Variants in DGKI observed in about 807,000 individuals in gnomAD.
DGKI encodes the protein diacylglycerol kinase iota, also known as DAG kinase iota.
Under a neutral mutation model 147.5 loss-of-function variants are expected in DGKI, and 55 were observed. The observed-to-expected ratio is 0.37, with a 90% CI of 0.30 to 0.47. The LOEUF (loss-of-function observed/expected upper bound fraction) is 0.47. Among genes scored for constraint, DGKI ranks in the 20% least tolerant of loss-of-function variants. DGKI has a pLI of 1.00. For synonymous variants in DGKI, 469 were observed against 477.1 expected, an observed-to-expected ratio of 0.98 and a Z score of 0.22; for missense variants, 1,007 against 1,323.8, an observed-to-expected ratio of 0.76 and a Z score of 3.71.
chr7:137,524,004 C>G lies in DGKI; in HGVS notation c.2148-2038G>C, dbSNP rs940528143. Among the ~76,000 whole-genome samples, 8 of 151,384 alleles carry G rather than the reference C, an allele frequency of 5.3e-5. 1 individual carries two copies. Among genetic ancestry groups the G allele is most frequent in the African/African-American group, 2.0e-4 (8 of 40,730 alleles). On this transcript the variant is annotated intron_variant, in intron 20 of 32. Transcript: ENST00000614521. ...GACTCTCTTGTCAATGGATAAATAC[C>G]AAGAATCCCATGGATTTGACGGCAA...
At chr7:137,621,056 T>G (rs1820731819) in intron 7 of DGKI, among the ~76,000 whole-genome samples, 1 of 152,298 alleles carries the variant, frequency 6.6e-6, no homozygotes, top group Non-Finnish European at 1.5e-5. Flanking sequence ...CCACCCTAAT[T>G]ACATTACATA....
At chr7:137,772,382 C>G (rs1163730965) in intron 1 of DGKI, among the ~76,000 whole-genome samples, 1 of 152,122 alleles carries the variant, frequency 6.6e-6, no homozygotes, top group Non-Finnish European at 1.5e-5. Context: ...TCGTGATTCA[C>G]CCTGGAGCCC....
chr7:137,654,718 T>C lies in DGKI; in HGVS notation c.738+14A>G. 1 of 1,569,116 alleles carries C rather than the reference T, an allele frequency of 6.4e-7. No homozygotes were observed. Among genetic ancestry groups the C allele is most frequent in the Non-Finnish European group, 8.8e-7 (1 of 1,140,422 alleles). ...TCAAAGGTGATACTTGAAATCAAGC[T>C]CTGAAATACTCACTTCTCTTGGTGA... On this transcript the variant is annotated intron_variant, in intron 5 of 32. Coordinates refer to ENST00000614521, the MANE Select transcript of DGKI (RefSeq NM_001321708.2).
intron 15 of DGKI, among the ~76,000 whole-genome samples, chr7:137,580,235 A>G (rs142395768): frequency 6.6e-6 from 1 of 152,238 alleles, no homozygotes; most frequent in Admixed American, 6.5e-5. Context: ...TTTTATTAAG[A>G]AGCCCAGGAT....
intron 27 of DGKI, chr7:137,453,291 G>C (rs1042961397): frequency 6.6e-6 from 1 of 152,188 alleles, no homozygotes; most frequent in Non-Finnish European, 1.5e-5. Context: ...TGGAGAACTA[G>C]TTTGCCAGGC....
intron 23 of DGKI, among the ~76,000 whole-genome samples, chr7:137,478,827 C>T (rs1235303293): frequency 3.3e-5 from 5 of 152,196 alleles, no homozygotes; most frequent in African/African-American, 7.2e-5. Context: ...TACACAAGAA[C>T]ACAAATGGTC....
intron 3 of DGKI, among the ~76,000 whole-genome samples, chr7:137,674,662 C>T (rs1001473268): frequency 2.0e-5 from 3 of 152,224 alleles, no homozygotes; most frequent in East Asian, 1.9e-4. Flanking sequence ...TGCTCATGCA[C>T]GGCTCATGAT....
At chr7:137,443,446 T>C (rs1415343246) in intron 28 of DGKI, among the ~76,000 whole-genome samples, 1 of 152,186 alleles carries the variant, frequency 6.6e-6, no homozygotes, top group African/African-American at 2.4e-5. Flanking sequence ...CATAACTACA[T>C]AGCATAACTG....
rs764159836 is a variant in DGKI at position 137,830,202 on chromosome 7, G to T, written c.401+16260C>A. On this transcript the variant is annotated intron_variant, in intron 1 of 32. Coordinates refer to ENST00000614521, the MANE Select transcript of DGKI (RefSeq NM_001321708.2). Reference sequence around the variant, plus strand: ...TGGCAGTCTGGATATTCAACTTTTGGAATGAGTTTCACAGCAATTGGTCCA... The same window carrying T: ...TGGCAGTCTGGATATTCAACTTTTGTAATGAGTTTCACAGCAATTGGTCCA... Among the ~76,000 whole-genome samples the T allele has an allele frequency of 2.6e-5, 4 of 152,180 alleles. No individual in the cohort carries two copies. The East Asian group carries it at 5.8e-4, about 22-fold the overall frequency.
At chr7:137,747,897 G>T (rs1795387578) in intron 1 of DGKI, among the ~76,000 whole-genome samples, 1 of 152,198 alleles carries the variant, frequency 6.6e-6, no homozygotes, top group Admixed American at 6.5e-5. Flanking sequence ...AAATTGATCA[G>T]ATTCCAGGAC....
intron 21 of DGKI, among the ~76,000 whole-genome samples, chr7:137,512,442 G>C (rs982781016): frequency 1.3e-5 from 2 of 152,128 alleles, no homozygotes; most frequent in Non-Finnish European, 2.9e-5. Flanking sequence ...TTTATACAAA[G>C]ATCTTAGAAG....
chr7:137,638,615 C>CATATATAT (rs1383387447), intron 6 of DGKI, among the ~76,000 whole-genome samples: 18 of 8,228 alleles, frequency 2.2e-3, no homozygotes, highest in Admixed American at 4.7e-3. Context: ...TATATATACA[C>CATATATAT]ACACACATAT....
At chr7:137,648,078 T>G (rs1199571476) in intron 5 of DGKI, among the ~76,000 whole-genome samples, 1 of 152,088 alleles carries the variant, frequency 6.6e-6, no homozygotes, top group Non-Finnish European at 1.5e-5. Context: ...CACCAACAAA[T>G]GATTTCAATG....
chr7:137,624,256 T>C (rs1007343941), intron 6 of DGKI, among the ~76,000 whole-genome samples: 2 of 152,170 alleles, frequency 1.3e-5, no homozygotes, highest in South Asian at 2.1e-4. Flanking sequence ...GAGAGAAGTA[T>C]GTAGTATTGC....
chr7:137,638,546 A>ATG (rs1240115170), intron 6 of DGKI, among the ~76,000 whole-genome samples: 3 of 118,308 alleles, frequency 2.5e-5, no homozygotes, highest in Non-Finnish European at 5.1e-5. Context: ...ATATGTATAT[A>ATG]TATGTGTGTA....
At position 137,713,850 on chromosome 7, in the gene DGKI, G is replaced by C. The variant is rs140338714; in HGVS notation, c.402-23848C>G. On this transcript the variant is annotated intron_variant, in intron 1 of 32. Transcript: ENST00000614521. The stretch of plus-strand genomic sequence containing the variant: ...TATGGGATCTCACTATGTTGCCCAG[G>C]TTGGTCTCAAACTCCTGGCCTCAAC... 6.4e-4 allele frequency among the ~76,000 whole-genome samples: 98 copies of C among 152,164 alleles called. 1 individual carries two copies. The East Asian group carries it at 0.018, about 28-fold the overall frequency.
At chr7:137,739,465 G>A (rs553525276) in intron 1 of DGKI, among the ~76,000 whole-genome samples, 3 of 152,072 alleles carry the variant, frequency 2.0e-5, no homozygotes, top group South Asian at 4.2e-4. Context: ...GAGTTACGGT[G>A]TAATCTGCCA....
At chr7:137,535,576 AT>A (rs1817489873) in intron 20 of DGKI, among the ~76,000 whole-genome samples, 1 of 151,842 alleles carries the variant, frequency 6.6e-6, no homozygotes, top group African/African-American at 2.4e-5. Context: ...GAGCTCCCTT[AT>A]TCCCTGCACA....
At chr7:137,633,884 G>A (rs1013593239) in intron 6 of DGKI, among the ~76,000 whole-genome samples, 6 of 152,174 alleles carry the variant, frequency 3.9e-5, no homozygotes, top group African/African-American at 1.2e-4. Context: ...AAAGGAACCC[G>A]AACTGTGTGA....
Sources: allele counts gnomAD v4.1 joint callset (sites outside exome capture counted in the v4.1 genomes callset), GRCh38; gene constraint gnomAD v4.1.1; transcripts MANE v1.5; gene names NCBI Gene and HGNC (gene_info 2026-07-23, HGNC 2026-07-21).